The following ZNF536 variants were observed in gnomAD, a reference collection of about 807,000 sequenced individuals.
ZNF536 encodes zinc finger protein 536.
Under a neutral mutation model 84.5 loss-of-function variants are expected in ZNF536, and 13 were observed. The ratio of observed to expected loss-of-function variants is 0.15; its 90% confidence interval spans 0.10 to 0.24. The LOEUF (loss-of-function observed/expected upper bound fraction) is 0.24, where lower values mean the gene tolerates loss of function less well. Ranked by LOEUF, ZNF536 falls within the 10% of genes least tolerant of loss-of-function variation. The probability of loss-of-function intolerance (pLI) is 1.00; values close to 1 mark genes in which losing one functional copy is unlikely to be tolerated. For missense variants in ZNF536, 1,536 were observed against 1,747.5 expected (o/e 0.88, Z 2.16); for synonymous variants, 811 against 742.5 (o/e 1.09, Z -1.50).
rs2046001340 is a variant in ZNF536 at position 30,557,317 on chromosome 19, C to T, written c.*153C>T. 5 of 798,958 alleles carry T rather than the reference C, an allele frequency of 6.3e-6. No individual in the cohort carries two copies. The highest frequency in any genetic ancestry group is 1.0e-5 in the Non-Finnish European group (5 of 476,674). 49.5% of individuals were successfully genotyped at this position (798,958 alleles called of 1,614,324 possible). On this transcript the variant is annotated 3_prime_UTR_variant, in exon 5 of 5. Transcript: ENST00000355537. ...TACTATTGGCATAGGTATGTGTATA[C>T]ACACGGTGCACCAATCTACAGTATA...
At chr19:30,274,541 C>T (rs987786810) in intron 1 of ZNF536, among the ~76,000 whole-genome samples, 9 of 152,218 alleles carry the variant, frequency 5.9e-5, no homozygotes, top group African/African-American at 1.9e-4. Flanking sequence ...TCAGTTGCCA[C>T]GTGTGGCCAG....
intron 1 of ZNF536, among the ~76,000 whole-genome samples, chr19:30,598,332 T>C (rs2047539544): frequency 6.6e-6 from 1 of 152,116 alleles, no homozygotes; most frequent in African/African-American, 2.4e-5. Flanking sequence ...TTCCCTAACT[T>C]ACCTTTACAG....
chr19:30,490,724 A>G (rs1430137359), intron 2 of ZNF536, among the ~76,000 whole-genome samples: 1 of 152,180 alleles, frequency 6.6e-6, no homozygotes, highest in African/African-American at 2.4e-5. Context: ...GTTGTTTGCT[A>G]GGGTCCACTA....
At chr19:30,693,022 G>A (rs1178132053) in intron 1 of ZNF536, among the ~76,000 whole-genome samples, 2 of 149,812 alleles carry the variant, frequency 1.3e-5, no homozygotes, top group African/African-American at 4.9e-5. Context: ...AAACCTGGGG[G>A]GGAGAGAGAG....
At chr19:30,498,606 TA>T (rs200071010) in intron 2 of ZNF536, among the ~76,000 whole-genome samples, 14 of 126,572 alleles carry the variant, frequency 1.1e-4, no homozygotes, top group Admixed American at 2.9e-4. Flanking sequence ...AAATTAAAAA[TA>T]AAAAAAAGTT....
chr19:30,709,772 G>A (rs2148065983), intron 1 of ZNF536, among the ~76,000 whole-genome samples: 1 of 152,184 alleles, frequency 6.6e-6, no homozygotes, highest in Admixed American at 6.5e-5. Flanking sequence ...CCACAGGCAT[G>A]TCCCTGGCTA....
Position 30,444,841 on chromosome 19 carries a change from T to C in ZNF536, c.1279T>C (p.Tyr427His), listed in dbSNP as rs770331654. Residue 427 changes from tyrosine (Y) to histidine (H), a missense_variant, in exon 2 of 5, where the codon TAC becomes CAC. Tyr to His is a moderately conservative substitution (Grantham distance 83). Transcript: ENST00000355537. The part of the protein sequence containing the change: ...GMSQEAHANL[Y>H]SRYLSCLQSG... ...GTCCCAGGAGGCCCACGCCAACCTGTACTCCAGGTACCTCTCCTGCCTGCA... is the reference window on the plus strand; with the variant it reads ...GTCCCAGGAGGCCCACGCCAACCTGCACTCCAGGTACCTCTCCTGCCTGCA... The C allele has an allele frequency of 3.7e-6, 6 of 1,613,528 alleles. No individual in the cohort carries two copies. Among genetic ancestry groups the C allele is most frequent in the Middle Eastern group, 1.6e-4 (1 of 6,082 alleles).
intron 1 of ZNF536, among the ~76,000 whole-genome samples, chr19:30,236,035 G>C (rs762652790): frequency 6.6e-6 from 1 of 152,246 alleles, no homozygotes; most frequent in Non-Finnish European, 1.5e-5. Flanking sequence ...GTCAATGCTG[G>C]TGGGTGGGCA....
chr19:30,267,942 A>G (rs972622166), intron 1 of ZNF536, among the ~76,000 whole-genome samples: 1 of 151,732 alleles, frequency 6.6e-6, no homozygotes, highest in Non-Finnish European at 1.5e-5. Flanking sequence ...AATACAGCTT[A>G]TTTGTTTATG....
At chr19:30,680,296 C>G (rs539212082) in intron 1 of ZNF536, among the ~76,000 whole-genome samples, 3 of 151,200 alleles carry the variant, frequency 2.0e-5, no homozygotes, top group African/African-American at 7.3e-5. Context: ...TACATGTGCA[C>G]AATGTGCAGG....
chr19:30,245,631 C>T (rs146143283), intron 1 of ZNF536, among the ~76,000 whole-genome samples: 4 of 152,302 alleles, frequency 2.6e-5, no homozygotes, highest in African/African-American at 7.2e-5. Flanking sequence ...ACCACGAGGT[C>T]GCCGTGATGG....
intron 2 of ZNF536, among the ~76,000 whole-genome samples, chr19:30,523,765 G>C (rs572153681): frequency 1.3e-5 from 2 of 152,170 alleles, no homozygotes; most frequent in Admixed American, 6.5e-5. Context: ...GGAGTGCCAA[G>C]GGTCTCTGGA....
intron 3 of ZNF536, among the ~76,000 whole-genome samples, chr19:30,352,768 G>A (rs912565336): frequency 2.6e-5 from 4 of 152,186 alleles, no homozygotes; most frequent in African/African-American, 7.2e-5. Flanking sequence ...CAAAGAGATC[G>A]TGAAAAAATG....
intron 1 of ZNF536, among the ~76,000 whole-genome samples, chr19:30,430,169 G>T: frequency 6.6e-6 from 1 of 152,194 alleles, no homozygotes; most frequent in Middle Eastern, 3.2e-3. Context: ...TGAGTAGAGG[G>T]CAGGGCTGGT....
At chr19:30,490,106 A>C (rs922644505) in intron 2 of ZNF536, among the ~76,000 whole-genome samples, 4 of 152,240 alleles carry the variant, frequency 2.6e-5, no homozygotes, top group African/African-American at 9.6e-5. Context: ...GTCCAAGTTC[A>C]TGTGAACCTG....
intron 1 of ZNF536, among the ~76,000 whole-genome samples, chr19:30,384,643 G>A: frequency 6.6e-6 from 1 of 152,032 alleles, no homozygotes; most frequent in Non-Finnish European, 1.5e-5. Context: ...CCCCTGTGGA[G>A]CATGAGGGTC....
chr19:30,405,448 G>A (rs2050224967), intron 1 of ZNF536, among the ~76,000 whole-genome samples: 2 of 152,136 alleles, frequency 1.3e-5, no homozygotes, highest in Non-Finnish European at 2.9e-5. Context: ...GGGTCTCCCT[G>A]TGCCTGAACT....
At position 30,296,785 on chromosome 19, in the gene ZNF536, T is replaced by G. The variant is rs144457167; in HGVS notation, c.-120+12644T>G. ...CTGGTTGGAGGAAGGGAGGCACAGA[T>G]GGGTGTGTGGTCTTCCAAGCAGCAT... On this transcript the variant is annotated intron_variant, in intron 2 of 5. Transcript: ENST00000585628. 4.3e-3 allele frequency among the ~76,000 whole-genome samples: 654 copies of G among 152,186 alleles called. 5 individuals carry two copies. The highest frequency in any genetic ancestry group is 0.01 in the Middle Eastern group (3 of 294).
upstream of ZNF536, among the ~76,000 whole-genome samples, chr19:30,227,412 G>A (rs1327272287): frequency 2.6e-5 from 4 of 152,226 alleles, no homozygotes; most frequent in African/African-American, 4.8e-5. Flanking sequence ...GGGGCTGGGG[G>A]CCGAGAAAGA....
Sources: gnomAD v4.1 joint callset for allele counts (sites outside exome capture counted in the v4.1 genomes callset) on GRCh38, gnomAD v4.1.1 for gene constraint, MANE v1.5 for transcripts, NCBI Gene and HGNC (gene_info 2026-07-23, HGNC 2026-07-21) for gene names.